COMMD10: variants seen among roughly 807,000 people sequenced by gnomAD.
COMMD10 encodes the protein COMM domain containing 10.
In COMMD10, 33 loss-of-function variants were observed where a neutral mutation model predicts 28.9. The observed-to-expected ratio is 1.14, with a 90% CI of 0.87 to 1.53. The LOEUF is 1.53. Among genes scored for constraint, COMMD10 ranks in the 40% most tolerant of loss-of-function variants. The probability of loss-of-function intolerance (pLI) is 0.00; values close to 1 mark genes in which losing one functional copy is unlikely to be tolerated. For missense variants in COMMD10, 310 were observed against 233.4 expected (o/e 1.33, Z -2.14); for synonymous variants, 110 against 81.7 (o/e 1.35, Z -1.87).
chr5:116,276,329 TGTA>T (rs1750912126), intron 5 of COMMD10, among the ~76,000 whole-genome samples: 1 of 151,824 alleles, frequency 6.6e-6, no homozygotes, highest in Non-Finnish European at 1.5e-5. Flanking sequence ...CTCAACTTAC[TGTA>T]ACCTCCACCT....
At chr5:116,191,528 C>G (rs1025804442) in intron 5 of COMMD10, among the ~76,000 whole-genome samples, 2 of 151,840 alleles carry the variant, frequency 1.3e-5, no homozygotes, top group Admixed American at 1.3e-4. Flanking sequence ...CTTTCCCCCA[C>G]TTCCCTGACA....
intron 5 of COMMD10, among the ~76,000 whole-genome samples, chr5:116,267,032 G>C (rs955755956): frequency 3.3e-5 from 5 of 151,708 alleles, no homozygotes; most frequent in Non-Finnish European, 7.4e-5. Context: ...TTTGAAAAGT[G>C]GCACAAGACA....
intron 1 of COMMD10, among the ~76,000 whole-genome samples, chr5:116,085,990 G>A (rs1370954313): frequency 1.3e-5 from 2 of 152,218 alleles, no homozygotes; most frequent in Non-Finnish European, 2.9e-5. Flanking sequence ...AAAGAATGAA[G>A]AAGACATTTA....
chr5:116,108,693 A>C (rs1750929833), intron 4 of COMMD10, among the ~76,000 whole-genome samples: 1 of 152,126 alleles, frequency 6.6e-6, no homozygotes, highest in African/African-American at 2.4e-5. Context: ...CAGGAGAGTG[A>C]ACGGTGATTC....
intron 5 of COMMD10, among the ~76,000 whole-genome samples, chr5:116,198,773 CTT>C (rs1269713450): frequency 6.6e-6 from 1 of 152,156 alleles, no homozygotes; most frequent in Non-Finnish European, 1.5e-5. Context: ...TTCTCCATGT[CTT>C]TTCATGCATC....
chr5:116,246,277 G>A (rs1580579125), intron 5 of COMMD10, among the ~76,000 whole-genome samples: 1 of 151,952 alleles, frequency 6.6e-6, no homozygotes, highest in East Asian at 1.9e-4. Flanking sequence ...CAGCTAACTA[G>A]GGAAGCAAAA....
intron 5 of COMMD10, among the ~76,000 whole-genome samples, chr5:116,277,903 C>T (rs1332119764): frequency 6.6e-6 from 1 of 151,780 alleles, no homozygotes; most frequent in Non-Finnish European, 1.5e-5. Context: ...AGTACAAATG[C>T]ATCATTTAAA....
intron 4 of COMMD10, among the ~76,000 whole-genome samples, chr5:116,116,829 C>T (rs769598021): frequency 6.6e-6 from 1 of 152,040 alleles, no homozygotes; most frequent in Admixed American, 6.5e-5. Flanking sequence ...CGCCATTCTC[C>T]TGCCTCAGCC....
intron 4 of COMMD10, among the ~76,000 whole-genome samples, chr5:116,102,250 G>A (rs544480340): frequency 1.3e-3 from 201 of 152,208 alleles, no homozygotes; most frequent in Non-Finnish European, 2.3e-3. Context: ...AGAGACAGGG[G>A]TCTAGTCTCA....
intron 4 of COMMD10, among the ~76,000 whole-genome samples, chr5:116,112,661 T>C (rs889023523): frequency 3.9e-5 from 6 of 152,236 alleles, no homozygotes; most frequent in Admixed American, 2.6e-4. Flanking sequence ...CCCAAAGTGC[T>C]GGGATTACAG....
intron 5 of COMMD10, among the ~76,000 whole-genome samples, chr5:116,178,490 G>A (rs115512456): frequency 3.5e-3 from 532 of 152,070 alleles, no homozygotes; most frequent in Non-Finnish European, 5.8e-3. Context: ...ATCCCTGAAG[G>A]CACCAAAAAT....
In COMMD10 at chr5:116,292,790, C is replaced by T. The variant is rs1390923367; in HGVS notation, c.*301C>T. Reference sequence around the variant, plus strand: ...TCATAGTGTTGCTTTCTTGCCTGTCCTGCTTAGTTTTTACTTGCTGGATGA... The same window carrying T: ...TCATAGTGTTGCTTTCTTGCCTGTCTTGCTTAGTTTTTACTTGCTGGATGA... On this transcript the variant is annotated 3_prime_UTR_variant, in exon 7 of 7. Transcript: ENST00000274458. 7.5e-6 allele frequency: 3 copies of T among 399,372 alleles called. No homozygotes were observed. Among genetic ancestry groups the T allele is most frequent in the African/African-American group, 6.2e-5 (3 of 48,556 alleles). 24.7% of individuals were successfully genotyped at this position (399,372 alleles called of 1,614,324 possible).
intron 5 of COMMD10, among the ~76,000 whole-genome samples, chr5:116,219,964 T>C (rs534439562): frequency 2.6e-5 from 4 of 152,312 alleles, no homozygotes; most frequent in African/African-American, 9.6e-5. Flanking sequence ...AAATAGTCTC[T>C]ACTTTTTCTT....
intron 5 of COMMD10, among the ~76,000 whole-genome samples, chr5:116,269,179 T>C (rs982576630): frequency 6.6e-6 from 1 of 151,934 alleles, no homozygotes; most frequent in African/African-American, 2.4e-5. Context: ...CGTTTATGTT[T>C]ATTAACAACT....
chr5:116,206,420 G>A (rs1387035205), intron 5 of COMMD10, among the ~76,000 whole-genome samples: 1 of 152,140 alleles, frequency 6.6e-6, no homozygotes, highest in Admixed American at 6.5e-5. Flanking sequence ...GGAGGCCAAG[G>A]TGGGCAGATC....
chr5:116,197,495 C>T (rs1356824723), intron 5 of COMMD10, among the ~76,000 whole-genome samples: 1 of 152,074 alleles, frequency 6.6e-6, no homozygotes, highest in Non-Finnish European at 1.5e-5. Context: ...GATTCACCCA[C>T]CTCAGCTTCC....
chr5:116,214,736 C>G (rs922459385), intron 5 of COMMD10, among the ~76,000 whole-genome samples: 5 of 151,988 alleles, frequency 3.3e-5, no homozygotes, highest in African/African-American at 9.7e-5. Flanking sequence ...TTTGGGACTC[C>G]AGGCCTCAGT....
At chr5:116,256,479 G>A (rs1005865746) in intron 5 of COMMD10, among the ~76,000 whole-genome samples, 5 of 151,670 alleles carry the variant, frequency 3.3e-5, no homozygotes, top group African/African-American at 1.2e-4. Context: ...TGACAGTTAA[G>A]ATCTGAAGAA....
At position 116,289,995 on chromosome 5, in the gene COMMD10, C is replaced by T. The variant is rs1439466900; in HGVS notation, c.511-1522C>T. On this transcript the variant is annotated intron_variant, in intron 5 of 6. Coordinates refer to ENST00000274458, the MANE Select transcript of COMMD10 (RefSeq NM_016144.4). ...TTCCTCAATGTAACATTTTAGGAAACACCACCTTAAAACAAAGCAAAGCAA... is the reference window on the plus strand; with the variant it reads ...TTCCTCAATGTAACATTTTAGGAAATACCACCTTAAAACAAAGCAAAGCAA... 8.6e-5 allele frequency among the ~76,000 whole-genome samples: 13 copies of T among 152,014 alleles called. No homozygotes were observed. In the East Asian group the frequency reaches 2.3e-3, roughly 27 times the overall value.
Sources: allele counts gnomAD v4.1 joint callset (sites outside exome capture counted in the v4.1 genomes callset), GRCh38; gene constraint gnomAD v4.1.1; transcripts MANE v1.5; gene names NCBI Gene and HGNC (gene_info 2026-07-23, HGNC 2026-07-21).